AKAP6: variants seen among roughly 807,000 people sequenced by gnomAD.
AKAP6 encodes the protein A-kinase anchoring protein 6, also known as A-kinase anchor protein 6.
Under a neutral mutation model 188.5 loss-of-function variants are expected in AKAP6, and 58 were observed. The observed-to-expected ratio is 0.31, with a 90% confidence interval of 0.25 to 0.38. The LOEUF (loss-of-function observed/expected upper bound fraction) is 0.38, where lower values mean the gene tolerates loss of function less well. Ranked by LOEUF, AKAP6 falls within the 10% of genes least tolerant of loss-of-function variation. The probability of loss-of-function intolerance (pLI) is 1.00; values close to 1 mark genes in which losing one functional copy is unlikely to be tolerated. For synonymous variants in AKAP6, 989 were observed against 998.6 expected (o/e 0.99, Z 0.18); for missense variants, 2,710 against 2,740.0 (o/e 0.99, Z 0.24).
intron 4 of AKAP6, among the ~76,000 whole-genome samples, chr14:32,564,300 T>C (rs1012332423): frequency 6.6e-6 from 1 of 152,198 alleles, no homozygotes; most frequent in African/African-American, 2.4e-5. Flanking sequence ...GCCGACTGTA[T>C]TTATAATACA....
intron 7 of AKAP6, among the ~76,000 whole-genome samples, chr14:32,653,220 A>T (rs1888306296): frequency 6.6e-6 from 1 of 151,966 alleles, no homozygotes; most frequent in South Asian, 2.1e-4. Context: ...ATGTTTGGCC[A>T]TTTTTTCTCC....
chr14:32,392,897 A>G (rs1020418890), intron 1 of AKAP6, among the ~76,000 whole-genome samples: 6 of 152,162 alleles, frequency 3.9e-5, no homozygotes, highest in Non-Finnish European at 7.4e-5. Flanking sequence ...CTTACAGTAG[A>G]ACTCTAACAA....
chr14:32,415,657 G>C (rs938849896), intron 1 of AKAP6, among the ~76,000 whole-genome samples: 2 of 151,998 alleles, frequency 1.3e-5, no homozygotes, highest in African/African-American at 4.8e-5. Flanking sequence ...TTATAAAACT[G>C]AAAGTCTATA....
chr14:32,717,612 A>ACACC (rs1357293115), intron 9 of AKAP6, among the ~76,000 whole-genome samples: 1 of 149,768 alleles, frequency 6.7e-6, no homozygotes, highest in African/African-American at 2.5e-5. Context: ...CTCTTATCAC[A>ACACC]CACACACACA....
At chr14:32,707,415 C>A (rs1304884420) in intron 9 of AKAP6, among the ~76,000 whole-genome samples, 1 of 152,084 alleles carries the variant, frequency 6.6e-6, no homozygotes, top group Non-Finnish European at 1.5e-5. Context: ...CTCAAAAGTG[C>A]CTCCCTGTGA....
chr14:32,674,814 G>A (rs1436372482), intron 7 of AKAP6, among the ~76,000 whole-genome samples: 1 of 152,128 alleles, frequency 6.6e-6, no homozygotes, highest in Non-Finnish European at 1.5e-5. Context: ...TTAAAGCCAT[G>A]GAAGAGAGTA....
chr14:32,796,571 C>A (rs1008067536), intron 12 of AKAP6, among the ~76,000 whole-genome samples: 4 of 152,200 alleles, frequency 2.6e-5, no homozygotes, highest in Admixed American at 2.6e-4. Context: ...GGACAGCTGG[C>A]TAGCCATATG....
intron 7 of AKAP6, among the ~76,000 whole-genome samples, chr14:32,606,422 C>G (rs966962288): frequency 6.6e-6 from 1 of 152,092 alleles, no homozygotes; most frequent in Admixed American, 6.6e-5. Context: ...CTTATCTTCT[C>G]TTTCTTTACT....
At chr14:32,579,403 A>G (rs1218905110) in intron 5 of AKAP6, among the ~76,000 whole-genome samples, 2 of 152,158 alleles carry the variant, frequency 1.3e-5, no homozygotes, top group African/African-American at 2.4e-5. Flanking sequence ...ATTGGAATAG[A>G]GATATCATAG....
chr14:32,736,995 A>G (rs1226500458), intron 11 of AKAP6, among the ~76,000 whole-genome samples: 1 of 152,200 alleles, frequency 6.6e-6, no homozygotes, highest in African/African-American at 2.4e-5. Flanking sequence ...TGGAAGTTAA[A>G]GTGTCTTGCC....
At chr14:32,337,565 A>T (rs1374582110) in intron 1 of AKAP6, among the ~76,000 whole-genome samples, 3 of 152,138 alleles carry the variant, frequency 2.0e-5, no homozygotes, top group African/African-American at 4.8e-5. Context: ...GGATTTTTTT[A>T]AAAATTTTAT....
At chr14:32,374,539 G>C (rs1208543699) in intron 1 of AKAP6, among the ~76,000 whole-genome samples, 1 of 152,196 alleles carries the variant, frequency 6.6e-6, no homozygotes, top group African/African-American at 2.4e-5. Flanking sequence ...AGGATGGAAG[G>C]CTGGAGTGGT....
At chr14:32,644,660 CA>C (rs1243556534) in intron 7 of AKAP6, among the ~76,000 whole-genome samples, 1 of 152,126 alleles carries the variant, frequency 6.6e-6, no homozygotes, top group South Asian at 2.1e-4. Flanking sequence ...TGGGGACCAA[CA>C]TTTTTTTTAA....
At chr14:32,745,237 G>A (rs1025052395) in intron 11 of AKAP6, among the ~76,000 whole-genome samples, 1 of 152,064 alleles carries the variant, frequency 6.6e-6, no homozygotes, top group Non-Finnish European at 1.5e-5. Flanking sequence ...GTTTGTACCT[G>A]TTCTTCTTGG....
chr14:32,698,620 G>A (rs951768316), intron 9 of AKAP6, among the ~76,000 whole-genome samples: 4 of 151,994 alleles, frequency 2.6e-5, no homozygotes, highest in South Asian at 4.2e-4. Flanking sequence ...ACAACTCAAC[G>A]AGACCTCCCA....
chr14:32,436,919 C>G (rs1890399384), intron 2 of AKAP6, among the ~76,000 whole-genome samples: 1 of 152,158 alleles, frequency 6.6e-6, no homozygotes, highest in Non-Finnish European at 1.5e-5. Flanking sequence ...AAGTGAGACT[C>G]TGTCTCAAAA....
intron 2 of AKAP6, among the ~76,000 whole-genome samples, chr14:32,453,450 A>G (rs1386311922): frequency 6.6e-6 from 1 of 152,076 alleles, no homozygotes. Flanking sequence ...GATAACTATT[A>G]GTTATCTAGA....
chr14:32,693,785 G>C (rs934721836), intron 8 of AKAP6: 2 of 152,016 alleles, frequency 1.3e-5, no homozygotes, highest in African/African-American at 4.8e-5. Flanking sequence ...TAATTTTGTG[G>C]GTGGCATTCC....
chr14:32,540,383 G>A (rs1882895431), intron 3 of AKAP6, among the ~76,000 whole-genome samples: 3 of 151,556 alleles, frequency 2.0e-5, no homozygotes, highest in Non-Finnish European at 4.4e-5. Context: ...ATTTTTAGTA[G>A]AGATGGACTT....
Sources: allele counts gnomAD v4.1 joint callset (sites outside exome capture counted in the v4.1 genomes callset), GRCh38; gene constraint gnomAD v4.1.1; transcripts MANE v1.5; gene names NCBI Gene and HGNC (gene_info 2026-07-23, HGNC 2026-07-21).